VGLL4: variants seen among roughly 807,000 people sequenced by gnomAD.
The protein encoded by VGLL4 is transcription cofactor vestigial-like protein 4.
In VGLL4, 7 loss-of-function variants were observed where a neutral mutation model predicts 21.0. That is an observed-to-expected ratio of 0.33 (90% CI 0.19 to 0.63). The LOEUF is 0.63. Among genes scored for constraint, VGLL4 ranks in the 20% least tolerant of loss-of-function variants. The pLI, the probability that VGLL4 is intolerant of heterozygous loss-of-function variation, is 0.78. For missense variants in VGLL4, 394 were observed against 425.7 expected (o/e 0.93, Z 0.66); for synonymous variants, 222 against 173.2 (o/e 1.28, Z -2.21).
At chr3:11,696,953 C>A (rs115640685) in intron 2 of VGLL4, among the ~76,000 whole-genome samples, 4 of 152,098 alleles carry the variant, frequency 2.6e-5, no homozygotes, top group African/African-American at 9.7e-5. Context: ...TTGTTGCCTA[C>A]GCTGGTCTCA....
At chr3:11,690,687 C>A (rs150574530) in intron 2 of VGLL4, among the ~76,000 whole-genome samples, 1 of 152,016 alleles carries the variant, frequency 6.6e-6, no homozygotes, top group Non-Finnish European at 1.5e-5. Context: ...ATGAGACAGG[C>A]AGTCCTAGAA....
At chr3:11,632,053 T>C (rs1375223658) in intron 1 of VGLL4, among the ~76,000 whole-genome samples, 4 of 152,198 alleles carry the variant, frequency 2.6e-5, no homozygotes, top group African/African-American at 9.7e-5. Flanking sequence ...CCGTGCGCAG[T>C]GGCTCACACC....
At chr3:11,573,483 A>C (rs1175134308) in intron 2 of VGLL4, among the ~76,000 whole-genome samples, 1 of 152,164 alleles carries the variant, frequency 6.6e-6, no homozygotes, top group Non-Finnish European at 1.5e-5. Flanking sequence ...CAGTATTTGC[A>C]GGTCATCCAC....
chr3:11,617,571 A>G (rs1386837309), intron 1 of VGLL4, among the ~76,000 whole-genome samples: 1 of 152,250 alleles, frequency 6.6e-6, no homozygotes, highest in Non-Finnish European at 1.5e-5. Flanking sequence ...GAGAAGAGGC[A>G]GGTTGAAGAC....
chr3:11,671,185 T>C lies in VGLL4; in HGVS notation c.64+31786A>G, dbSNP rs189806437. On this transcript the variant is annotated intron_variant, in intron 2 of 5. Transcript: ENST00000273038. ...AAACATACCACACTTTTCTTTGCAATACTATTTTGCAAATTAATTAATTTC... is the reference window on the plus strand; with the variant it reads ...AAACATACCACACTTTTCTTTGCAACACTATTTTGCAAATTAATTAATTTC... 1.4e-4 allele frequency: 202 copies of C among 1,468,990 alleles called. No individual in the cohort carries two copies. The Admixed American group carries it at 3.4e-3, about 24-fold the overall frequency. 91.0% of individuals were successfully genotyped at this position (1,468,990 alleles called of 1,614,324 possible).
intron 1 of VGLL4, among the ~76,000 whole-genome samples, chr3:11,618,140 A>G (rs1286285303): frequency 1.3e-5 from 2 of 152,236 alleles, no homozygotes; most frequent in Admixed American, 6.5e-5. Flanking sequence ...ACTGACTCCA[A>G]TGAAATCTAC....
intron 1 of VGLL4, chr3:11,633,272 T>A (rs1410037493): frequency 2.0e-5 from 3 of 152,014 alleles, no homozygotes; most frequent in Admixed American, 2.0e-4. Context: ...TCCCAGAAAT[T>A]AGAGTAAGCC....
chr3:11,580,688 A>T (rs2074199229), intron 2 of VGLL4, among the ~76,000 whole-genome samples: 1 of 152,242 alleles, frequency 6.6e-6, no homozygotes, highest in South Asian at 2.1e-4. Context: ...CTGAAATTGT[A>T]AGCCTTTGTG....
intron 2 of VGLL4, among the ~76,000 whole-genome samples, chr3:11,596,286 TACA>T (rs368909646): frequency 9.9e-4 from 150 of 152,270 alleles, no homozygotes; most frequent in African/African-American, 3.4e-3. Context: ...TTTCAAATAA[TACA>T]ACAATACTGA....
At chr3:11,658,971 A>G (rs895721177) in intron 2 of VGLL4, among the ~76,000 whole-genome samples, 3 of 152,182 alleles carry the variant, frequency 2.0e-5, no homozygotes, top group African/African-American at 7.2e-5. Flanking sequence ...CAGCACCTCC[A>G]GGCGTCAGGC....
chr3:11,708,194 G>A (rs2076788494), intron 1 of VGLL4, among the ~76,000 whole-genome samples: 1 of 152,168 alleles, frequency 6.6e-6, no homozygotes, highest in African/African-American at 2.4e-5. Context: ...GGGCCTTATA[G>A]GTATTGAAAT....
At position 11,558,261 on chromosome 3, in the gene VGLL4, C is replaced by T. The variant is rs930913125; in HGVS notation, c.*295G>A. ...AAGCGCTGTGGAGTCCTGGCCCCGT[C>T]GGGGCAGCAGACCTGCATCAGAGGT... On this transcript the variant is annotated 3_prime_UTR_variant, in exon 5 of 5. Transcript: ENST00000430365. 2.9e-5 allele frequency: 14 copies of T among 488,310 alleles called. No individual in the cohort carries two copies. The highest frequency in any genetic ancestry group is 1.7e-4 in the African/African-American group (9 of 52,210). The allele number at this position is 488,310 out of a possible 1,614,324, so 30.2% of individuals were successfully genotyped here. A position where few individuals can be genotyped will look rare whatever the true frequency, so the allele number is the denominator to read the frequency against.
At chr3:11,604,147 G>C (rs2074873435) in intron 1 of VGLL4, among the ~76,000 whole-genome samples, 1 of 152,224 alleles carries the variant, frequency 6.6e-6, no homozygotes. Flanking sequence ...GGCACTCCAG[G>C]TGTCCTTCAC....
At chr3:11,566,154 A>G (rs529672311) in intron 2 of VGLL4, among the ~76,000 whole-genome samples, 1 of 152,152 alleles carries the variant, frequency 6.6e-6, no homozygotes, top group African/African-American at 2.4e-5. Context: ...TTACACACAC[A>G]ATGAATGTTA....
intron 1 of VGLL4, chr3:11,703,162 G>C (rs774576765): frequency 1.3e-5 from 11 of 873,870 alleles, no homozygotes; most frequent in Non-Finnish European, 1.8e-5. Flanking sequence ...TTCTTCTAAG[G>C]ATGAAATTCT....
chr3:11,629,322 C>G (rs2075426388), intron 1 of VGLL4, among the ~76,000 whole-genome samples: 2 of 149,858 alleles, frequency 1.3e-5, no homozygotes, highest in Admixed American at 1.3e-4. Flanking sequence ...AAAATAAAAG[C>G]AGACAATAAG....
chr3:11,619,299 T>C (rs1437829494), intron 1 of VGLL4, among the ~76,000 whole-genome samples: 1 of 152,040 alleles, frequency 6.6e-6, no homozygotes, highest in East Asian at 1.9e-4. Context: ...TCACGAAAAA[T>C]AGAAACATAA....
chr3:11,581,154 C>T (rs2074214124), intron 2 of VGLL4, among the ~76,000 whole-genome samples: 1 of 151,722 alleles, frequency 6.6e-6, no homozygotes, highest in Admixed American at 6.6e-5. Context: ...GCAACCTCTG[C>T]CTCCTGGGTT....
At chr3:11,589,139 C>A (rs3856797) in intron 2 of VGLL4, among the ~76,000 whole-genome samples, 78,854 of 152,010 alleles carry the variant, frequency 0.52, 22,860 homozygotes, top group Non-Finnish European at 0.68. Flanking sequence ...CAAGGGACTG[C>A]ACTCTTTCCT....
Sources: allele counts gnomAD v4.1 joint callset (sites outside exome capture counted in the v4.1 genomes callset), GRCh38; gene constraint gnomAD v4.1.1; transcripts MANE v1.5; gene names NCBI Gene and HGNC (gene_info 2026-07-23, HGNC 2026-07-21).